DLGAP1: variants seen among roughly 807,000 people sequenced by gnomAD.
DLGAP1 encodes the protein DLG associated protein 1, also known as disks large-associated protein 1.
In DLGAP1, 11 loss-of-function variants were observed where a neutral mutation model predicts 90.8. That is an observed-to-expected ratio of 0.12 (90% CI 0.08 to 0.20). The LOEUF (loss-of-function observed/expected upper bound fraction) is 0.20, where lower values mean the gene tolerates loss of function less well. Ranked by LOEUF, DLGAP1 falls within the 10% of genes least tolerant of loss-of-function variation. DLGAP1 has a pLI of 1.00. For missense variants in DLGAP1, 1,050 were observed against 1,333.8 expected, an observed-to-expected ratio of 0.79 and a Z score of 3.31; for synonymous variants, 558 against 540.7, an observed-to-expected ratio of 1.03 and a Z score of -0.44.
At chr18:4,205,153 C>A (rs2077695922) in intron 1 of DLGAP1, among the ~76,000 whole-genome samples, 1 of 152,048 alleles carries the variant, frequency 6.6e-6, no homozygotes, top group South Asian at 2.1e-4. Flanking sequence ...TAATAGGAAG[C>A]TTTTCAGAAG....
At chr18:4,373,070 T>C (rs2081949820) in intron 1 of DLGAP1, among the ~76,000 whole-genome samples, 1 of 152,178 alleles carries the variant, frequency 6.6e-6, no homozygotes, top group Admixed American at 6.5e-5. Context: ...AGAGTCAGCT[T>C]ACACTAAAAA....
At chr18:4,396,108 G>C (rs536003636) in intron 1 of DLGAP1, among the ~76,000 whole-genome samples, 157 of 152,324 alleles carry the variant, frequency 1.0e-3, no homozygotes, top group Admixed American at 1.1e-3. Flanking sequence ...GATACTGTTA[G>C]TCTTTTCCAG....
intron 1 of DLGAP1, among the ~76,000 whole-genome samples, chr18:4,210,937 C>T (rs897829669): frequency 6.6e-6 from 1 of 152,176 alleles, no homozygotes; most frequent in African/African-American, 2.4e-5. Flanking sequence ...ACTAAAATTC[C>T]TGTCTCCTGA....
intron 3 of DLGAP1, among the ~76,000 whole-genome samples, chr18:3,900,418 C>T (rs1394120533): frequency 6.6e-6 from 1 of 152,208 alleles, no homozygotes. Context: ...ACTTTAGCAC[C>T]TTTTAAACAT....
intron 3 of DLGAP1, among the ~76,000 whole-genome samples, chr18:4,001,132 T>C (rs1353860694): frequency 6.7e-6 from 1 of 148,254 alleles, no homozygotes; most frequent in African/African-American, 2.5e-5. Flanking sequence ...TTCTTTTCTA[T>C]TTTTCTTAAG....
intron 7 of DLGAP1, among the ~76,000 whole-genome samples, chr18:3,647,780 A>G (rs1763151790): frequency 6.6e-6 from 1 of 152,146 alleles, no homozygotes; most frequent in Admixed American, 6.6e-5. Flanking sequence ...AAGCTTCTTA[A>G]TCAACTGGAG....
At chr18:3,861,385 A>G (rs1390706179) in intron 4 of DLGAP1, among the ~76,000 whole-genome samples, 1 of 152,226 alleles carries the variant, frequency 6.6e-6, no homozygotes, top group Non-Finnish European at 1.5e-5. Flanking sequence ...AAAGCATATA[A>G]TTTTTTAAAT....
chr18:4,363,927 A>T (rs2081692754), intron 1 of DLGAP1, among the ~76,000 whole-genome samples: 1 of 152,062 alleles, frequency 6.6e-6, no homozygotes, highest in African/African-American at 2.4e-5. Flanking sequence ...AAGGACTATA[A>T]ATCATGCTGC....
At chr18:3,641,584 T>C (rs1615639) in intron 7 of DLGAP1, among the ~76,000 whole-genome samples, 2,800 of 125,130 alleles carry the variant, frequency 0.022, 95 homozygotes, top group African/African-American at 0.081. Context: ...CACATATATA[T>C]ATACACACAC....
At chr18:3,543,055 A>T (rs142984361) in intron 9 of DLGAP1, among the ~76,000 whole-genome samples, 1,613 of 152,290 alleles carry the variant, frequency 0.011, 30 homozygotes, top group African/African-American at 0.037. Flanking sequence ...TACACCAAAA[A>T]ATGTTATTGT....
At chr18:3,573,722 T>C (rs1360238032) in intron 8 of DLGAP1, among the ~76,000 whole-genome samples, 1 of 152,114 alleles carries the variant, frequency 6.6e-6, no homozygotes, top group African/African-American at 2.4e-5. Context: ...ATTTATTTTT[T>C]AGACAGAGGG....
intron 4 of DLGAP1, among the ~76,000 whole-genome samples, chr18:3,832,141 G>C (rs1409854168): frequency 6.6e-6 from 1 of 152,150 alleles, no homozygotes; most frequent in Non-Finnish European, 1.5e-5. Context: ...ACCCATGCAT[G>C]CACACTCCAT....
intron 9 of DLGAP1, among the ~76,000 whole-genome samples, chr18:3,542,221 G>A (rs1386977712): frequency 2.0e-5 from 3 of 152,124 alleles, no homozygotes; most frequent in East Asian, 1.9e-4. Context: ...ATCAAAATAC[G>A]CATCTGCTCC....
intron 11 of DLGAP1, among the ~76,000 whole-genome samples, chr18:3,506,104 GGCGGGTGCCTGTAAACCCA>G (rs1252675877): frequency 6.6e-6 from 1 of 152,040 alleles, no homozygotes; most frequent in African/African-American, 2.4e-5. Flanking sequence ...TGGGTGTGGT[GGCGGGTGCCTGTAAACCCA>G]GCTACTTGGG....
intron 1 of DLGAP1, among the ~76,000 whole-genome samples, chr18:4,296,026 T>C (rs987767777): frequency 1.3e-5 from 2 of 152,206 alleles, no homozygotes; most frequent in Non-Finnish European, 2.9e-5. Flanking sequence ...TTTAAAAAAG[T>C]ATAACCAGCA....
chr18:3,635,276 GC>G (rs2058669417), intron 7 of DLGAP1, among the ~76,000 whole-genome samples: 1 of 151,914 alleles, frequency 6.6e-6, no homozygotes, highest in Admixed American at 6.6e-5. Context: ...GACTACAGGC[GC>G]CCGCCACCAC....
At chr18:4,255,980 G>T (rs2078880375) in intron 1 of DLGAP1, among the ~76,000 whole-genome samples, 1 of 152,138 alleles carries the variant, frequency 6.6e-6, no homozygotes, top group African/African-American at 2.4e-5. Context: ...TAATACTTAT[G>T]TGTAAGAACA....
At chr18:4,434,513 C>T (rs578211699) in intron 1 of DLGAP1, among the ~76,000 whole-genome samples, 2 of 152,146 alleles carry the variant, frequency 1.3e-5, no homozygotes, top group Non-Finnish European at 2.9e-5. Flanking sequence ...TGCAAGGCTG[C>T]CAGCACCCAG....
intron 1 of DLGAP1, among the ~76,000 whole-genome samples, chr18:4,425,437 TAC>T (rs1423921355): frequency 2.0e-5 from 3 of 152,070 alleles, no homozygotes; most frequent in Non-Finnish European, 4.4e-5. Flanking sequence ...GGCGTAGTGG[TAC>T]AGTCATGATG....
Sources: allele counts gnomAD v4.1 joint callset (sites outside exome capture counted in the v4.1 genomes callset), GRCh38; gene constraint gnomAD v4.1.1; transcripts MANE v1.5; gene names NCBI Gene and HGNC (gene_info 2026-07-23, HGNC 2026-07-21).